The following DENND11 variants were observed in gnomAD, a reference collection of about 807,000 sequenced individuals.
DENND11 encodes DENN domain-containing protein 11.
DENND11 carries 34 observed loss-of-function variants against 49.2 expected under a neutral mutation model. The ratio of observed to expected loss-of-function variants is 0.69; its 90% CI spans 0.53 to 0.92. The LOEUF is 0.92. DENND11 is among the 40% of genes least tolerant of loss of function. The pLI is 0.00. For synonymous variants in DENND11, 238 were observed against 230.3 expected (o/e 1.03, Z -0.30); for missense variants, 475 against 581.6 (o/e 0.82, Z 1.88).
intron 2 of DENND11, among the ~76,000 whole-genome samples, chr7:141,685,983 G>A (rs1413403490): frequency 1.3e-5 from 2 of 152,172 alleles, no homozygotes; most frequent in Admixed American, 6.5e-5. Flanking sequence ...ACTCTCTTTC[G>A]TAGCATAAAC....
At chr7:141,678,351 A>G (rs1374592056) in intron 3 of DENND11, among the ~76,000 whole-genome samples, 1 of 152,204 alleles carries the variant, frequency 6.6e-6, no homozygotes, top group East Asian at 1.9e-4. Flanking sequence ...ATGGTATAAA[A>G]CGAAATGTTA....
At chr7:141,696,871 G>C (rs868202971) in intron 1 of DENND11, among the ~76,000 whole-genome samples, 9 of 152,312 alleles carry the variant, frequency 5.9e-5, no homozygotes, top group African/African-American at 2.2e-4. Flanking sequence ...TACATGGTTT[G>C]AAACAGTCTT....
Position 141,662,593 on chromosome 7 carries a change from C to T in DENND11, c.*63G>A. The T allele has an allele frequency of 7.8e-7, 1 of 1,281,372 alleles. No homozygotes were observed. The highest frequency in any genetic ancestry group is 1.0e-6 in the Non-Finnish European group (1 of 953,750). 79.4% of individuals were successfully genotyped at this position (1,281,372 alleles called of 1,614,324 possible). A position where few individuals can be genotyped will look rare whatever the true frequency, so the allele number is the denominator to read the frequency against. ...ATAAAAAATGAGGCCCTCTGGGGCCCTGGGGTGAACTCCGGGCTGCTGACA... is the reference window on the plus strand; with the variant it reads ...ATAAAAAATGAGGCCCTCTGGGGCCTTGGGGTGAACTCCGGGCTGCTGACA... On this transcript the variant is annotated 3_prime_UTR_variant, in exon 9 of 9. Transcript: ENST00000536163.
intron 1 of DENND11, among the ~76,000 whole-genome samples, chr7:141,690,085 G>A (rs943214397): frequency 3.9e-5 from 6 of 152,188 alleles, no homozygotes; most frequent in African/African-American, 1.4e-4. Context: ...CTGAGATTTG[G>A]AAGTGAATCA....
intron 3 of DENND11, among the ~76,000 whole-genome samples, chr7:141,681,882 C>A (rs560778029): frequency 6.6e-6 from 1 of 152,290 alleles, no homozygotes; most frequent in South Asian, 2.1e-4. Context: ...TTCTAGAAGA[C>A]AAAGCCAAGT....
At chr7:141,669,968 G>T (rs554794750) in intron 4 of DENND11, among the ~76,000 whole-genome samples, 1 of 150,862 alleles carries the variant, frequency 6.6e-6, no homozygotes, top group Non-Finnish European at 1.5e-5. Flanking sequence ...CCGCCACCTC[G>T]CCCGGCTAAT....
At chr7:141,680,537 C>T (rs192054094) in intron 3 of DENND11, among the ~76,000 whole-genome samples, 1 of 152,038 alleles carries the variant, frequency 6.6e-6, no homozygotes, top group African/African-American at 2.4e-5. Context: ...CACGGACGCC[C>T]AGCTAAAGGC....
chr7:141,699,863 A>G (rs979215071), intron 1 of DENND11, among the ~76,000 whole-genome samples: 1 of 152,162 alleles, frequency 6.6e-6, no homozygotes, highest in Admixed American at 6.6e-5. Flanking sequence ...CAAAATGTCT[A>G]AATGTGTTAC....
At position 141,667,288 on chromosome 7, in the gene DENND11, A is replaced by G. The variant is rs545356387; in HGVS notation, c.682-863T>C. Among the ~76,000 whole-genome samples the G allele has an allele frequency of 7.9e-5, 12 of 152,274 alleles. No individual in the cohort carries two copies. In the South Asian group the frequency reaches 2.1e-3, roughly 26 times the overall value. On this transcript the variant is annotated intron_variant, in intron 4 of 8. Transcript: ENST00000536163. ...TTCTAGGAACACTGAGCCAAGGAGTATCATAGGGGTTAAGAGCATAAGCTC... is the reference window on the plus strand; with the variant it reads ...TTCTAGGAACACTGAGCCAAGGAGTGTCATAGGGGTTAAGAGCATAAGCTC...
intron 4 of DENND11, among the ~76,000 whole-genome samples, chr7:141,672,958 G>A (rs1196638671): frequency 6.6e-6 from 1 of 152,138 alleles, no homozygotes; most frequent in Non-Finnish European, 1.5e-5. Flanking sequence ...ACTATTTAAA[G>A]CTCTCTACAA....
At chr7:141,675,574 C>G (rs1428515216) in intron 3 of DENND11, among the ~76,000 whole-genome samples, 2 of 152,182 alleles carry the variant, frequency 1.3e-5, no homozygotes, top group East Asian at 3.8e-4. Flanking sequence ...GGCCCTGGAA[C>G]AGCAGTGATT....
chr7:141,663,127 C>T, intron 8 of DENND11: 1 of 329,784 alleles, frequency 3.0e-6, no homozygotes, highest in Non-Finnish European at 5.5e-6. Context: ...AGGGAAGTGA[C>T]CTGGGTTTAA....
chr7:141,687,510 C>G (rs569868123), intron 1 of DENND11, among the ~76,000 whole-genome samples: 6 of 151,516 alleles, frequency 4.0e-5, no homozygotes, highest in Admixed American at 1.3e-4. Flanking sequence ...GTCGCCCAGG[C>G]TGGAGTGCAG....
chr7:141,694,534 T>C (rs886173953), intron 1 of DENND11, among the ~76,000 whole-genome samples: 2 of 152,168 alleles, frequency 1.3e-5, no homozygotes, highest in Non-Finnish European at 2.9e-5. Flanking sequence ...GTGTTGGTAT[T>C]ACAGGCGTTA....
At chr7:141,686,517 G>T in intron 2 of DENND11, 42 bp downstream of exon 2, 1 of 1,278,012 alleles carries the variant, frequency 7.8e-7, no homozygotes, top group South Asian at 1.2e-5. Context: ...TGTGGAGGTG[G>T]GGGGAATGGT....
chr7:141,683,296 A>G (rs181860591), intron 3 of DENND11, among the ~76,000 whole-genome samples: 2 of 152,342 alleles, frequency 1.3e-5, no homozygotes, highest in African/African-American at 4.8e-5. Context: ...CTATCTATTG[A>G]GCAAAGGGGA....
At chr7:141,673,988 A>G in intron 4 of DENND11, 79 bp downstream of exon 4, 2 of 1,474,378 alleles carry the variant, frequency 1.4e-6, no homozygotes, top group Non-Finnish European at 9.2e-7. Context: ...TAAATTTTTT[A>G]TTCATTAAAA....
At chr7:141,677,659 T>C (rs1013081645) in intron 3 of DENND11, among the ~76,000 whole-genome samples, 3 of 151,798 alleles carry the variant, frequency 2.0e-5, no homozygotes, top group African/African-American at 7.3e-5. Context: ...TTACAGCTTG[T>C]ATTAAATTGT....
chr7:141,685,058 A>ATATTTT (rs1554410137), intron 3 of DENND11, among the ~76,000 whole-genome samples: 1 of 128,884 alleles, frequency 7.8e-6, no homozygotes, highest in African/African-American at 2.7e-5. Context: ...ATATATATAT[A>ATATTTT]TTTTTAAGTT....
Sources: gnomAD v4.1 joint callset for allele counts (sites outside exome capture counted in the v4.1 genomes callset) on GRCh38, gnomAD v4.1.1 for gene constraint, MANE v1.5 for transcripts, NCBI Gene and HGNC (gene_info 2026-07-23, HGNC 2026-07-21) for gene names.